Variants in IRX2 observed in about 807,000 individuals in gnomAD.
The protein encoded by IRX2 is iroquois-class homeodomain protein IRX-2.
IRX2 carries 26 observed loss-of-function variants against 42.9 expected under a neutral mutation model. The observed-to-expected ratio is 0.61, with a 90% CI of 0.44 to 0.84. The LOEUF is 0.84. IRX2 is among the 40% of genes least tolerant of loss of function. The pLI is 0.00. For missense variants in IRX2, 782 were observed against 713.9 expected, an observed-to-expected ratio of 1.10 and a Z score of -1.09; for synonymous variants, 424 against 353.9, an observed-to-expected ratio of 1.20 and a Z score of -2.22.
At chr5:2,744,311 GTTTAT>G (rs964269666), downstream of IRX2, among the ~76,000 whole-genome samples, 4 of 152,088 alleles carry the variant, frequency 2.6e-5, no homozygotes, top group Admixed American at 6.5e-5. Flanking sequence ...ATCTTTCCGT[GTTTAT>G]TTTGTTAAAT....
chr5:2,749,873 G>T (rs1206442089), intron 1 of IRX2, 86 bp from the exon 2 acceptor site: 6 of 1,378,504 alleles, frequency 4.4e-6, no homozygotes, highest in African/African-American at 4.3e-5. Flanking sequence ...GCCCGCCCAC[G>T]GCCACCGTTC....
In IRX2 at chr5:2,751,270, G is replaced by A. The variant is rs1737963362; in HGVS notation, c.144C>T (p.Tyr48=). ...RSASGSAFSP[Y]PGSAAFTAQA... ...GCGCCGTGAAGGCCGCCGAGCCCGGGTAGGGGCTGAACGCCGAGCCCGACG... is the reference window on the plus strand; with the variant it reads ...GCGCCGTGAAGGCCGCCGAGCCCGGATAGGGGCTGAACGCCGAGCCCGACG... Residue 48 remains tyrosine (Y), a synonymous_variant, in exon 1 of 4, where the codon TAC becomes TAT. Coordinates refer to ENST00000302057, the MANE Select transcript of IRX2 (RefSeq NM_033267.5). This position sits in a 1 kb window ranked among gnomAD's most constrained non-coding sequence, Gnocchi z 4.0. 4.2e-6 allele frequency: 6 copies of A among 1,423,344 alleles called. No homozygotes were observed. The highest frequency in any genetic ancestry group is 2.6e-5 in the Admixed American group (1 of 38,822). 88.2% of individuals were successfully genotyped at this position (1,423,344 alleles called of 1,614,324 possible).
At chr5:2,737,917 C>T in the IRX2 span, among the ~76,000 whole-genome samples, 3 of 152,290 alleles carry the variant, frequency 2.0e-5, no homozygotes, top group South Asian at 6.2e-4. Context: ...GTTAAGGGAA[C>T]CCCTGGCCTG....
At chr5:2,743,751 A>AT (rs774166873), downstream of IRX2, among the ~76,000 whole-genome samples, 1 of 147,790 alleles carries the variant, frequency 6.8e-6, no homozygotes, top group African/African-American at 2.6e-5. Context: ...CCAGTGAAAG[A>AT]TATCTCTCTC....
intron 3 of IRX2, among the ~76,000 whole-genome samples, chr5:2,748,126 A>G (rs758404480): frequency 5.3e-5 from 8 of 152,222 alleles, no homozygotes; most frequent in Admixed American, 1.3e-4. Flanking sequence ...ATAACAGTAA[A>G]TTAAGTAAAA....
intron 3 of IRX2, 66 bp downstream of exon 3, chr5:2,748,279 G>T: frequency 7.5e-7 from 1 of 1,327,296 alleles, no homozygotes; most frequent in Non-Finnish European, 9.6e-7. Flanking sequence ...GGTCTCCCGG[G>T]CGCTCCGCCT....
downstream of IRX2, among the ~76,000 whole-genome samples, chr5:2,742,265 G>A (rs938928302): frequency 5.9e-5 from 9 of 152,138 alleles, no homozygotes; most frequent in African/African-American, 1.4e-4. Flanking sequence ...AACCAGATTC[G>A]TAGCATTCTA....
At chr5:2,750,591 T>G (rs1737912063) in intron 1 of IRX2, among the ~76,000 whole-genome samples, 1 of 152,268 alleles carries the variant, frequency 6.6e-6, no homozygotes, top group Non-Finnish European at 1.5e-5. Context: ...AGCACGATAT[T>G]TGAAAGCATG....
rs775173646 is a variant in IRX2 at position 2,749,083 on chromosome 5, G to A, written c.656-31C>T. 6 of 1,588,942 alleles carry A rather than the reference G, an allele frequency of 3.8e-6. No individual in the cohort carries two copies. The African/African-American group carries it at 4.0e-5, about 11-fold the overall frequency. On this transcript the variant is annotated intron_variant, in intron 2 of 3. Coordinates refer to ENST00000302057, the MANE Select transcript of IRX2 (RefSeq NM_033267.5). ...GGGGCGCGGGCACGGTGGGTGGCACGAGGGGACAGCGCAGGCACCTGGAGC... is the reference window on the plus strand; with the variant it reads ...GGGGCGCGGGCACGGTGGGTGGCACAAGGGGACAGCGCAGGCACCTGGAGC...
At chr5:2,736,496 A>AT in the IRX2 span, among the ~76,000 whole-genome samples, 1 of 152,278 alleles carries the variant, frequency 6.6e-6, no homozygotes, top group African/African-American at 2.4e-5. Flanking sequence ...TAGAAGAAAA[A>AT]TTTTTTTGGA....
chr5:2,741,443 G>A (rs748843678), downstream of IRX2, among the ~76,000 whole-genome samples: 5 of 152,104 alleles, frequency 3.3e-5, no homozygotes, highest in African/African-American at 1.2e-4. Context: ...TTCTGAGAAC[G>A]ACTGGGTGAA....
chr5:2,741,971 A>G (rs932052450), downstream of IRX2, among the ~76,000 whole-genome samples: 1 of 152,152 alleles, frequency 6.6e-6, no homozygotes, highest in Non-Finnish European at 1.5e-5. Flanking sequence ...TCCTTTCTTC[A>G]TTGTATTAGC....
At chr5:2,739,538 CG>C in the IRX2 span, among the ~76,000 whole-genome samples, 1 of 151,796 alleles carries the variant, frequency 6.6e-6, no homozygotes, top group Admixed American at 6.6e-5. Flanking sequence ...CAGGAGAGAC[CG>C]GGGGGACCGG....
At chr5:2,739,624 C>A in the IRX2 span, among the ~76,000 whole-genome samples, 1 of 152,220 alleles carries the variant, frequency 6.6e-6, no homozygotes, top group Non-Finnish European at 1.5e-5. Flanking sequence ...CCCTGAACCC[C>A]CGCCGCCGTC....
downstream of IRX2, among the ~76,000 whole-genome samples, chr5:2,743,762 T>TCG (rs397935510): frequency 5.9e-5 from 9 of 152,164 alleles, no homozygotes; most frequent in African/African-American, 2.2e-4. Flanking sequence ...TATCTCTCTC[T>TCG]TTCTCTCTCC....
intron 1 of IRX2, among the ~76,000 whole-genome samples, chr5:2,750,038 C>T (rs1229800238): frequency 6.6e-6 from 1 of 152,184 alleles, no homozygotes; most frequent in Non-Finnish European, 1.5e-5. Context: ...CCCATCTTCC[C>T]CTAAGTGTTC....
rs777540554 is a variant in IRX2, at chr5:2,748,912, C to T, written c.796G>A (p.Asp266Asn). The T allele has an allele frequency of 1.1e-5, 18 of 1,596,660 alleles. No homozygotes were observed. The highest frequency in any genetic ancestry group is 1.4e-5 in the Non-Finnish European group (17 of 1,179,380). ...TCGCCCTCCTCGTCGTCGTCCTCGT[C>T]GTCCTCCAGGTCGTCATACTTGTCC... The part of the protein sequence containing the change: ...CKDKYDDLED[D>N]EDDDEEGERG... Residue 266 changes from aspartate to asparagine, a missense_variant, in exon 3 of 4, where the codon GAC becomes AAC. This residue lies in a region of IRX2 where 520 missense variants were observed against 437.8 expected (regional missense o/e 1.19). Coordinates refer to ENST00000302057, the MANE Select transcript of IRX2 (RefSeq NM_033267.5).
downstream of IRX2, among the ~76,000 whole-genome samples, chr5:2,745,164 C>T (rs539670581): frequency 7.9e-5 from 12 of 152,286 alleles, 1 homozygote; most frequent in South Asian, 2.5e-3. Flanking sequence ...TCCAAAGCAG[C>T]TAAAAGCATC....
the IRX2 span, among the ~76,000 whole-genome samples, chr5:2,737,563 G>A: frequency 3.3e-5 from 5 of 152,182 alleles, no homozygotes; most frequent in African/African-American, 9.7e-5. Context: ...AGCAGGTCTC[G>A]AGTGCTGTCC....
Sources: allele counts gnomAD v4.1 joint callset (sites outside exome capture counted in the v4.1 genomes callset), GRCh38; gene constraint gnomAD v4.1.1; regional missense constraint gnomAD v4.1.1; non-coding constraint Gnocchi (gnomAD v3.1); transcripts MANE v1.5; gene names NCBI Gene and HGNC (gene_info 2026-07-23, HGNC 2026-07-21).